Variants in OCM observed in about 807,000 individuals in gnomAD.
OCM encodes the protein oncomodulin-1.
A neutral mutation model predicts 14.1 loss-of-function variants in OCM; 18 were observed. That is an observed-to-expected ratio of 1.28 (90% CI 0.88 to 1.89). The LOEUF (loss-of-function observed/expected upper bound fraction) is 1.89, where lower values mean the gene tolerates loss of function less well. Among genes scored for constraint, OCM ranks in the 40% most tolerant of loss-of-function variants. The pLI is 0.00. For synonymous variants in OCM, 48 were observed against 51.0 expected (o/e 0.94, Z 0.25); for missense variants, 140 against 137.6 (o/e 1.02, Z -0.09).
At chr7:5,861,539 A>T in the OCM span, among the ~76,000 whole-genome samples, 1 of 152,172 alleles carries the variant, frequency 6.6e-6, no homozygotes, top group Non-Finnish European at 1.5e-5. Context: ...GAAGGAAAAC[A>T]TGTTGAAGAG....
intron 3 of OCM, among the ~76,000 whole-genome samples, chr7:5,884,842 G>T (rs1407616140): frequency 6.6e-6 from 1 of 152,144 alleles, no homozygotes; most frequent in Non-Finnish European, 1.5e-5. Flanking sequence ...ACCAGGGGCT[G>T]GGCGTGGTGG....
intron 3 of OCM, among the ~76,000 whole-genome samples, chr7:5,885,211 A>G (rs1562531608): frequency 6.6e-6 from 1 of 152,046 alleles, no homozygotes; most frequent in Non-Finnish European, 1.5e-5. Context: ...TTTTATATCA[A>G]TCTGTAACAT....
intron 2 of OCM, 77 bp from the exon 3 acceptor site, chr7:5,883,813 T>C: frequency 6.4e-7 from 1 of 1,566,498 alleles, no homozygotes; most frequent in Non-Finnish European, 8.7e-7. Flanking sequence ...GTGATATGCT[T>C]AGAGGAAAAA....
the OCM span, among the ~76,000 whole-genome samples, chr7:5,866,859 C>T: frequency 3.3e-5 from 5 of 152,274 alleles, no homozygotes; most frequent in Non-Finnish European, 7.4e-5. Context: ...ATGTAACCCG[C>T]TCCCACAATT....
the OCM span, among the ~76,000 whole-genome samples, chr7:5,861,551 GGAA>G: frequency 3.3e-5 from 5 of 152,130 alleles, no homozygotes; most frequent in Non-Finnish European, 5.9e-5. Flanking sequence ...GTTGAAGAGC[GGAA>G]GGAGAGCCAA....
chr7:5,877,117 C>T (rs1054006983), upstream of OCM, among the ~76,000 whole-genome samples: 65 of 152,142 alleles, frequency 4.3e-4, no homozygotes, highest in African/African-American at 1.5e-3. Flanking sequence ...GAACTGTCTA[C>T]TTCTAAGCCA....
At chr7:5,874,179 G>T in the OCM span, among the ~76,000 whole-genome samples, 8 of 121,712 alleles carry the variant, frequency 6.6e-5, no homozygotes, top group African/African-American at 1.3e-4. Flanking sequence ...AGCCGAGATC[G>T]CACCACTACA....
the OCM span, among the ~76,000 whole-genome samples, chr7:5,873,292 G>A: frequency 3.3e-5 from 5 of 152,192 alleles, no homozygotes; most frequent in African/African-American, 9.6e-5. Context: ...CAGGAGAATC[G>A]CTTGAATCTG....
intron 2 of OCM, 35 bp from the exon 3 acceptor site, chr7:5,883,855 T>C: frequency 6.2e-7 from 1 of 1,612,636 alleles, no homozygotes; most frequent in Non-Finnish European, 8.5e-7. Context: ...GCATGATCTT[T>C]TTGAAAATCC....
chr7:5,865,367 G>C, the OCM span, among the ~76,000 whole-genome samples: 11 of 152,194 alleles, frequency 7.2e-5, 1 homozygote, highest in East Asian at 2.1e-3. Context: ...TTTTACTAAC[G>C]ATTCATAATT....
At chr7:5,862,099 A>G in the OCM span, among the ~76,000 whole-genome samples, 6 of 152,164 alleles carry the variant, frequency 3.9e-5, no homozygotes, top group Non-Finnish European at 1.5e-5. Context: ...ATGATGAATA[A>G]CGTTAAGCAT....
At chr7:5,864,525 G>A in the OCM span, among the ~76,000 whole-genome samples, 3 of 152,110 alleles carry the variant, frequency 2.0e-5, no homozygotes, top group African/African-American at 4.8e-5. Context: ...ATTATGAATC[G>A]TTAGTAAAAG....
rs563384203 is a variant in OCM, at chr7:5,881,147, T to C, written c.61+197T>C. On this transcript the variant is annotated intron_variant, in intron 1 of 3. Transcript: ENST00000242104. ...GCCTGGCCAAGATGGTGAAACCCCA[T>C]CTCTACTAAAAATACAAAAAAATTA... Among the ~76,000 whole-genome samples the C allele has an allele frequency of 1.3e-4, 19 of 151,850 alleles. No individual in the cohort carries two copies. In the South Asian group the frequency reaches 3.9e-3, roughly 31 times the overall value.
At chr7:5,883,558 G>A (rs1029655456) in intron 2 of OCM, among the ~76,000 whole-genome samples, 12 of 151,736 alleles carry the variant, frequency 7.9e-5, no homozygotes, top group Non-Finnish European at 1.8e-4. Flanking sequence ...ATGGTGGGGT[G>A]CACCTGTAGT....
At chr7:5,865,225 ATCTAT>A in the OCM span, among the ~76,000 whole-genome samples, 1 of 152,152 alleles carries the variant, frequency 6.6e-6, no homozygotes, top group African/African-American at 2.4e-5. Context: ...CATGTTTTTG[ATCTAT>A]TCTAATGAGA....
intron 2 of OCM, among the ~76,000 whole-genome samples, chr7:5,883,442 G>C (rs1327506692): frequency 6.6e-6 from 1 of 152,162 alleles, no homozygotes; most frequent in Admixed American, 6.6e-5. Flanking sequence ...CCCTTTGGGA[G>C]GCTGAGGTGG....
intron 1 of OCM, among the ~76,000 whole-genome samples, chr7:5,881,920 C>G (rs1781222869): frequency 6.6e-6 from 1 of 151,704 alleles, no homozygotes; most frequent in Admixed American, 6.6e-5. Flanking sequence ...AACCCTGTCT[C>G]TATTAAAAAT....
At chr7:5,882,783 A>G (rs1476389827) in intron 2 of OCM, among the ~76,000 whole-genome samples, 158 bp downstream of exon 2, 1 of 151,534 alleles carries the variant, frequency 6.6e-6, no homozygotes, top group Non-Finnish European at 1.5e-5. Flanking sequence ...AGTTGACCGC[A>G]CATCTACCCA....
the OCM span, among the ~76,000 whole-genome samples, chr7:5,868,033 C>G: frequency 6.6e-6 from 1 of 152,038 alleles, no homozygotes; most frequent in Non-Finnish European, 1.5e-5. Context: ...CCACCGCACC[C>G]GGCATCTTTT....
Sources: allele counts gnomAD v4.1 joint callset (sites outside exome capture counted in the v4.1 genomes callset), GRCh38; gene constraint gnomAD v4.1.1; transcripts MANE v1.5; gene names NCBI Gene and HGNC (gene_info 2026-07-23, HGNC 2026-07-21).